The following SHOC1 variants were observed in gnomAD, a reference collection of about 807,000 sequenced individuals.
The protein encoded by SHOC1 is shortage in chiasmata 1, also known as protein shortage in chiasmata 1 ortholog.
Under a neutral mutation model 179.2 loss-of-function variants are expected in SHOC1, and 136 were observed. That is an observed-to-expected ratio of 0.76 (90% CI 0.66 to 0.87). The LOEUF (loss-of-function observed/expected upper bound fraction) is 0.87, where lower values mean the gene tolerates loss of function less well. SHOC1 is among the 40% of genes least tolerant of loss of function. SHOC1 has a pLI of 0.00. For synonymous variants in SHOC1, 489 were observed against 586.6 expected, an observed-to-expected ratio of 0.83 and a Z score of 2.41; for missense variants, 1,538 against 1,700.8, an observed-to-expected ratio of 0.90 and a Z score of 1.68.
At chr9:111,788,872 C>A (rs1836352964) in intron 2 of SHOC1, among the ~76,000 whole-genome samples, 1 of 151,512 alleles carries the variant, frequency 6.6e-6, no homozygotes, top group Admixed American at 6.6e-5. Context: ...CTTTACTTTC[C>A]AACTTTATCT....
chr9:111,775,434 A>G (rs1783784310), intron 5 of SHOC1, among the ~76,000 whole-genome samples: 1 of 152,224 alleles, frequency 6.6e-6, no homozygotes, highest in Admixed American at 6.5e-5. Flanking sequence ...TTATGTTTTA[A>G]AAACTAAAAT....
At chr9:111,766,673 G>A (rs774396084) in intron 5 of SHOC1, among the ~76,000 whole-genome samples, 8 of 151,946 alleles carry the variant, frequency 5.3e-5, no homozygotes, top group Non-Finnish European at 7.4e-5. Context: ...GTGCAGTGGC[G>A]CAATCTTGGC....
chr9:111,722,372 T>C (rs1224489437), intron 15 of SHOC1, 37 bp downstream of exon 15: 4 of 1,539,214 alleles, frequency 2.6e-6, no homozygotes, highest in South Asian at 2.5e-5. Context: ...TTTCTAAGCA[T>C]ATCTTTTTAA....
At chr9:111,794,535 G>A (rs142201185) in intron 1 of SHOC1, among the ~76,000 whole-genome samples, 2,020 of 152,270 alleles carry the variant, frequency 0.013, 55 homozygotes, top group African/African-American at 0.046. Flanking sequence ...AGTGAACCGA[G>A]ATCGTGCCAC....
chr9:111,755,889 G>A (rs781279401), intron 8 of SHOC1, among the ~76,000 whole-genome samples: 1 of 152,092 alleles, frequency 6.6e-6, no homozygotes, highest in South Asian at 2.1e-4. Context: ...TTGGGAGGCC[G>A]AGGCGGGCAG....
At chr9:111,722,881 A>T (rs1292730010) in intron 14 of SHOC1, among the ~76,000 whole-genome samples, 1 of 152,060 alleles carries the variant, frequency 6.6e-6, no homozygotes, top group East Asian at 1.9e-4. Flanking sequence ...GGCTCACTGC[A>T]ACCTCCGTCT....
At chr9:111,760,910 A>C (rs898729083) in intron 5 of SHOC1, among the ~76,000 whole-genome samples, 1 of 151,692 alleles carries the variant, frequency 6.6e-6, no homozygotes, top group Admixed American at 6.6e-5. Flanking sequence ...ATCTGGAAGA[A>C]TATAGTTATG....
intron 25 of SHOC1, 40 bp from the exon 26 acceptor site, chr9:111,693,988 T>A (rs1831570135): frequency 6.6e-7 from 1 of 1,506,614 alleles, no homozygotes; most frequent in South Asian, 1.2e-5. Context: ...AGTAGTCTTT[T>A]GAAAGTGAGC....
Position 111,794,600 on chromosome 9 carries a change from C to G in SHOC1, c.-37+300G>C, listed in dbSNP as rs573132330. ...CCCTGTCTTAAAACAGACAAAAAAA[C>G]GTAACATGGCAGAGAAGGCGAGGTG... On this transcript the variant is annotated intron_variant, in intron 1 of 27. Transcript: ENST00000682961. 4.6e-5 allele frequency among the ~76,000 whole-genome samples: 7 copies of G among 152,094 alleles called. No individual in the cohort carries two copies. The East Asian group carries it at 1.4e-3, about 30-fold the overall frequency.
At chr9:111,702,762 T>G (rs1342529291) in intron 22 of SHOC1, among the ~76,000 whole-genome samples, 3 of 152,214 alleles carry the variant, frequency 2.0e-5, no homozygotes, top group African/African-American at 7.2e-5. Flanking sequence ...TTTGATACAT[T>G]AAGGAATTCA....
chr9:111,726,342 G>T (rs1490226158), intron 13 of SHOC1, among the ~76,000 whole-genome samples: 1 of 152,128 alleles, frequency 6.6e-6, no homozygotes, highest in Non-Finnish European at 1.5e-5. Context: ...TTAAAAAAAT[G>T]ACAGCTCACC....
In SHOC1 at chr9:111,737,385, G is replaced by A. The variant is rs376655920; in HGVS notation, c.1417+895C>T. 2.0e-5 allele frequency among the ~76,000 whole-genome samples: 3 copies of A among 152,136 alleles called. No individual in the cohort carries two copies. The East Asian group carries it at 5.8e-4, about 29-fold the overall frequency. On this transcript the variant is annotated intron_variant, in intron 12 of 27. Coordinates refer to ENST00000682961, the MANE Select transcript of SHOC1 (RefSeq NM_001378211.1). ...ATAAACTATAAACTTTCCCAAATCT[G>A]GCTGGGCACGGTGGCTCATGCCTGT...
rs541662045 is a variant in SHOC1 at position 111,777,541 on chromosome 9, G to A, written c.258-1566C>T. On this transcript the variant is annotated intron_variant, in intron 4 of 27. Transcript: ENST00000682961. The stretch of plus-strand genomic sequence containing the variant: ...TTTCCTCAGTTACAATTTTTGCGAA[G>A]GCGGTTTCAACTTCCTACTGTTGCT... 8.4e-4 allele frequency among the ~76,000 whole-genome samples: 128 copies of A among 152,266 alleles called. 1 individual carries two copies. The Middle Eastern group carries it at 0.02, about 24-fold the overall frequency.
chr9:111,712,970 T>G, intron 18 of SHOC1, 130 bp downstream of exon 18: 1 of 627,064 alleles, frequency 1.6e-6, no homozygotes, highest in African/African-American at 1.9e-5. Flanking sequence ...TCCCAATGAG[T>G]TATACGCTTT....
At chr9:111,700,932 G>T (rs1831943164) in intron 23 of SHOC1, among the ~76,000 whole-genome samples, 1 of 152,132 alleles carries the variant, frequency 6.6e-6, no homozygotes, top group Non-Finnish European at 1.5e-5. Context: ...ATAACTGTTT[G>T]TTGCTGAGGA....
At chr9:111,782,892 C>T (rs1172072572) in intron 3 of SHOC1, among the ~76,000 whole-genome samples, 2 of 152,178 alleles carry the variant, frequency 1.3e-5, no homozygotes, top group East Asian at 3.8e-4. Context: ...TCATTTTCCA[C>T]CACCAATTCT....
intron 24 of SHOC1, among the ~76,000 whole-genome samples, chr9:111,695,452 G>T (rs1305080658): frequency 6.6e-6 from 1 of 151,928 alleles, no homozygotes; most frequent in Non-Finnish European, 1.5e-5. Context: ...TGGGTGTTTT[G>T]AGAAGATATG....
chr9:111,700,855 CT>C (rs1831938969), intron 23 of SHOC1, among the ~76,000 whole-genome samples: 1 of 151,984 alleles, frequency 6.6e-6, no homozygotes, highest in Admixed American at 6.6e-5. Context: ...TTGACCAGCC[CT>C]TAAAAAAAAC....
chr9:111,768,454 G>A (rs1835438070), intron 5 of SHOC1, among the ~76,000 whole-genome samples: 1 of 152,010 alleles, frequency 6.6e-6, no homozygotes, highest in African/African-American at 2.4e-5. Flanking sequence ...CCTGACCTCA[G>A]GTGATCCACC....
Sources: allele counts gnomAD v4.1 joint callset (sites outside exome capture counted in the v4.1 genomes callset), GRCh38; gene constraint gnomAD v4.1.1; transcripts MANE v1.5; gene names NCBI Gene and HGNC (gene_info 2026-07-23, HGNC 2026-07-21).